SORL1: variants seen among roughly 807,000 people sequenced by gnomAD.
The protein encoded by SORL1 is sortilin related receptor 1.
SORL1 carries 127 observed loss-of-function variants against 273.7 expected under a neutral mutation model. The ratio of observed to expected loss-of-function variants is 0.46; its 90% CI spans 0.40 to 0.54. SORL1 has a LOEUF of 0.54. Ranked by LOEUF, SORL1 falls within the 20% of genes least tolerant of loss-of-function variation. The pLI, the probability that SORL1 is intolerant of heterozygous loss-of-function variation, is 0.00. For missense variants in SORL1, 2,494 were observed against 2,846.1 expected (o/e 0.88, Z 2.81); for synonymous variants, 1,031 against 1,067.4 (o/e 0.97, Z 0.66).
chr11:121,515,580 A>G (rs1199129308), intron 8 of SORL1, among the ~76,000 whole-genome samples: 2 of 152,186 alleles, frequency 1.3e-5, no homozygotes. Flanking sequence ...GACCTAAGAG[A>G]GCAGGGCTCA....
At chr11:121,490,508 G>A (rs949977045) in intron 5 of SORL1, among the ~76,000 whole-genome samples, 1 of 152,120 alleles carries the variant, frequency 6.6e-6, no homozygotes, top group Non-Finnish European at 1.5e-5. Context: ...GGGAGGCTGA[G>A]GTGGGCAGAT....
At chr11:121,559,768 C>T (rs1052469312) in intron 21 of SORL1, 111 bp downstream of exon 21, 34 of 842,008 alleles carry the variant, frequency 4.0e-5, no homozygotes, top group Admixed American at 7.7e-5. Context: ...TTTGTTGTCA[C>T]GACAACATGC....
In SORL1 at chr11:121,452,610, C is replaced by T. The variant is rs1342550233; in HGVS notation, c.279C>T (p.Tyr93=). 8 of 1,496,926 alleles carry T rather than the reference C, an allele frequency of 5.3e-6. No homozygotes were observed. The highest frequency in any genetic ancestry group is 7.1e-6 in the Non-Finnish European group (8 of 1,129,050). 92.7% of individuals were successfully genotyped at this position (1,496,926 alleles called of 1,614,324 possible). The change falls in exon 1 of 48, where the codon TAC becomes TAT. Residue 93 remains tyrosine, a synonymous_variant. Coordinates refer to ENST00000260197, the MANE Select transcript of SORL1 (RefSeq NM_003105.6). This position sits in a 1 kb window ranked among gnomAD's most constrained non-coding sequence, Gnocchi z 5.3. The part of the protein sequence containing the change: ...AALQPEPIKV[Y]GQVSLNDSHN... Reference sequence around the variant, plus strand: ...TGCAGCCCGAGCCCATCAAGGTGTACGGACAGGTGAGCAGTTTTGCAACCC... The same window carrying T: ...TGCAGCCCGAGCCCATCAAGGTGTATGGACAGGTGAGCAGTTTTGCAACCC...
chr11:121,591,523 A>G (rs1490607422), intron 31 of SORL1, among the ~76,000 whole-genome samples: 1 of 152,172 alleles, frequency 6.6e-6, no homozygotes, highest in African/African-American at 2.4e-5. Context: ...GTGTGTATTA[A>G]ACTCTGGGGA....
intron 12 of SORL1, among the ~76,000 whole-genome samples, chr11:121,535,985 G>A (rs1862261397): frequency 6.6e-6 from 1 of 152,198 alleles, no homozygotes; most frequent in Non-Finnish European, 1.5e-5. Context: ...GTCAGAGAAG[G>A]GGCTGTTGCA....
rs1862437602 is a variant in SORL1 at position 121,547,065 on chromosome 11, G to A, written c.2051+1636G>A. The A allele has an allele frequency of 2.6e-5, 4 of 152,346 alleles. No individual in the cohort carries two copies. The South Asian group carries it at 8.3e-4, about 32-fold the overall frequency. 9.4% of individuals were successfully genotyped at this position (152,346 alleles called of 1,614,324 possible). A position where few individuals can be genotyped will look rare whatever the true frequency, so the allele number is the denominator to read the frequency against. On this transcript the variant is annotated intron_variant, in intron 14 of 47. Transcript: ENST00000260197. ...CAGACTCTTTAACAGCAAAAGCACA[G>A]GGCTGGCTGATGTTCTTGGTGACTT...
chr11:121,564,855 G>A (rs1343226944), intron 21 of SORL1, among the ~76,000 whole-genome samples: 2 of 152,130 alleles, frequency 1.3e-5, no homozygotes, highest in African/African-American at 4.8e-5. Context: ...TTACAGATGT[G>A]AGCCACTGCA....
chr11:121,542,362 T>C (rs1182525908), intron 12 of SORL1, among the ~76,000 whole-genome samples: 1 of 152,226 alleles, frequency 6.6e-6, no homozygotes, highest in Admixed American at 6.5e-5. Flanking sequence ...ATTGCAAATT[T>C]GTTTAGTCAT....
At chr11:121,510,192 G>C (rs1019577220) in intron 6 of SORL1, among the ~76,000 whole-genome samples, 6 of 152,134 alleles carry the variant, frequency 3.9e-5, no homozygotes, top group Non-Finnish European at 8.8e-5. Context: ...ACTGTTAATG[G>C]AAAAAGTTAA....
intron 1 of SORL1, among the ~76,000 whole-genome samples, chr11:121,454,791 G>A (rs574818338): frequency 1.8e-3 from 267 of 152,304 alleles, no homozygotes; most frequent in African/African-American, 5.4e-3. Context: ...GTGACTGAAG[G>A]GGTTTGAGGT....
chr11:121,607,123 A>G, intron 36 of SORL1, 63 bp from the exon 37 acceptor site: 1 of 1,144,402 alleles, frequency 8.7e-7, no homozygotes, highest in Non-Finnish European at 1.3e-6. Context: ...CCTCCTTGCA[A>G]GATATTAGGA....
chr11:121,452,444 G>A lies in SORL1; in HGVS notation c.113G>A (p.Gly38Asp). ...CEVWTQRLHG[G>D]SAPLPQDRGF... ...GTCTGGACGCAGAGGCTGCACGGCG[G>A]CAGCGCGCCCTTGCCCCAGGACCGG... The change falls in exon 1 of 48, where the codon GGC (glycine) becomes GAC (aspartate). Residue 38 changes from glycine to aspartate, a missense_variant. Coordinates refer to ENST00000260197, the MANE Select transcript of SORL1 (RefSeq NM_003105.6). The surrounding 1 kb of genome is among the most constrained non-coding windows in gnomAD (Gnocchi z 5.3). The A allele has an allele frequency of 6.7e-7, 1 of 1,498,816 alleles. No individual in the cohort carries two copies. The highest frequency in any genetic ancestry group is 1.3e-5 in the South Asian group (1 of 78,138). 92.8% of individuals were successfully genotyped at this position (1,498,816 alleles called of 1,614,324 possible).
intron 32 of SORL1, among the ~76,000 whole-genome samples, chr11:121,602,054 C>T (rs1565350829): frequency 6.6e-6 from 1 of 152,174 alleles, no homozygotes; most frequent in African/African-American, 2.4e-5. Context: ...TGGAGCAGTG[C>T]CCGAGTCATG....
rs1862409308 is a variant in SORL1 at position 121,545,311 on chromosome 11, C to T, written c.1933C>T (p.Leu645=). ...PSDERGNECL[L]GHKTVFKRRT... is the part of the protein sequence containing the mutation. ...TGATGAGCGGGGGAATGAGTGTTTG[C>T]TGGGACACAAGACTGTTTTCAAACG... Residue 645 remains leucine, a synonymous_variant, in exon 14 of 48, where the codon CTG becomes TTG. Coordinates refer to ENST00000260197, the MANE Select transcript of SORL1 (RefSeq NM_003105.6). 3 of 1,614,138 alleles carry T rather than the reference C, an allele frequency of 1.9e-6. No individual in the cohort carries two copies. In the African/African-American group the frequency reaches 4.0e-5, roughly 22 times the overall value.
intron 26 of SORL1, among the ~76,000 whole-genome samples, chr11:121,585,506 C>T (rs1326863821): frequency 2.9e-5 from 4 of 139,032 alleles, no homozygotes; most frequent in African/African-American, 8.8e-5. Flanking sequence ...TATATACACA[C>T]ACACACACAC....
intron 10 of SORL1, 89 bp from the exon 11 acceptor site, chr11:121,522,827 G>A: frequency 1.5e-6 from 2 of 1,368,694 alleles, no homozygotes; most frequent in Non-Finnish European, 2.1e-6. Context: ...ATTCTTAGTT[G>A]CTAGATACTA....
chr11:121,532,787 G>A (rs191425904), intron 12 of SORL1, among the ~76,000 whole-genome samples: 407 of 151,870 alleles, frequency 2.7e-3, no homozygotes, highest in Middle Eastern at 0.014. Flanking sequence ...CTGGGTTGAA[G>A]CGATTCTCCT....
chr11:121,619,979 A>G lies in SORL1; in HGVS notation c.5889+62A>G, dbSNP rs940583545. The stretch of plus-strand genomic sequence containing the variant: ...CCTGGCCTGGTTAGGGTGGGGTGGG[A>G]TGGAAGGGGATCCTCTAATGGGGCA... On this transcript the variant is annotated intron_variant, in intron 43 of 47. Coordinates refer to ENST00000260197, the MANE Select transcript of SORL1 (RefSeq NM_003105.6). The G allele has an allele frequency of 2.3e-6, 3 of 1,318,772 alleles. No homozygotes were observed. The African/African-American group carries it at 4.4e-5, about 19-fold the overall frequency. 81.7% of individuals were successfully genotyped at this position (1,318,772 alleles called of 1,614,324 possible). A position where few individuals can be genotyped will look rare whatever the true frequency, so the allele number is the denominator to read the frequency against.
chr11:121,605,351 G>GC (rs1565351982), intron 34 of SORL1, 51 bp from the exon 35 acceptor site: 6 of 1,584,948 alleles, frequency 3.8e-6, no homozygotes, highest in Non-Finnish European at 5.2e-6. Context: ...AGACATCTCA[G>GC]CCCCCCATGC....
Sources: gnomAD v4.1 joint callset for allele counts (sites outside exome capture counted in the v4.1 genomes callset) on GRCh38, gnomAD v4.1.1 for gene constraint, Gnocchi (gnomAD v3.1) non-coding constraint, MANE v1.5 for transcripts, NCBI Gene and HGNC (gene_info 2026-07-23, HGNC 2026-07-21) for gene names.